ZNF808: variants seen among roughly 807,000 people sequenced by gnomAD.
ZNF808 encodes zinc finger protein 808.
In ZNF808, 5 loss-of-function variants were observed where a neutral mutation model predicts 8.7. The observed-to-expected ratio is 0.58, with a 90% CI of 0.30 to 1.21. The LOEUF is 1.21. ZNF808 is among the 50% of genes most tolerant of loss of function. ZNF808 has a pLI of 0.07. For synonymous variants in ZNF808, 380 were observed against 366.0 expected, an observed-to-expected ratio of 1.04 and a Z score of -0.44; for missense variants, 1,103 against 1,098.4, an observed-to-expected ratio of 1.00 and a Z score of -0.06.
chr19:52,560,433 CTCAGCCAAGGGA>C (rs561164914), downstream of ZNF808, among the ~76,000 whole-genome samples: 52 of 152,274 alleles, frequency 3.4e-4, no homozygotes, highest in East Asian at 8.7e-3. Context: ...TCTCTTCATA[CTCAGCCAAGGGA>C]TCCTTCTTCA....
downstream of ZNF808, among the ~76,000 whole-genome samples, chr19:52,565,088 AAAAT>A (rs913781255): frequency 1.6e-4 from 25 of 152,206 alleles, no homozygotes; most frequent in African/African-American, 5.1e-4. Flanking sequence ...TCCGTCTCAA[AAAAT>A]AAATAAATAA....
At chr19:52,545,575 C>T (rs2123143658) in intron 3 of ZNF808, among the ~76,000 whole-genome samples, 1 of 152,182 alleles carries the variant, frequency 6.6e-6, no homozygotes, top group African/African-American at 2.4e-5. Context: ...ATCAGGAGTT[C>T]AAGACCATCC....
chr19:52,555,944 T>C lies in ZNF808; in HGVS notation c.*316T>C. The C allele has an allele frequency of 4.6e-6, 3 of 654,374 alleles. 1 individual carries two copies. The Admixed American group carries it at 5.6e-5, about 12-fold the overall frequency. 40.5% of individuals were successfully genotyped at this position (654,374 alleles called of 1,614,324 possible). On this transcript the variant is annotated 3_prime_UTR_variant, in exon 5 of 5. Coordinates refer to ENST00000359798, the MANE Select transcript of ZNF808 (RefSeq NM_001039886.4). ...TCGTTGGACATCAGAGAATCCATAC[T>C]GGACAGAAATCTTGCAAATGTCATC...
intron 2 of ZNF808, among the ~76,000 whole-genome samples, 199 bp from the exon 3 acceptor site, chr19:52,543,067 G>A (rs1463700382): frequency 6.6e-6 from 1 of 152,048 alleles, no homozygotes; most frequent in Non-Finnish European, 1.5e-5. Context: ...CTCCATGAAG[G>A]GAGTGAGATC....
At chr19:52,547,833 A>G (rs1254268058) in intron 4 of ZNF808, among the ~76,000 whole-genome samples, 195 bp downstream of exon 4, 2 of 144,560 alleles carry the variant, frequency 1.4e-5, no homozygotes, top group Admixed American at 7.3e-5. Context: ...TCCGCCTTCC[A>G]GGTTCAAGTG....
intron 4 of ZNF808, among the ~76,000 whole-genome samples, chr19:52,550,667 G>A (rs2059768084): frequency 6.6e-6 from 1 of 151,966 alleles, no homozygotes; most frequent in African/African-American, 2.4e-5. Context: ...CTGGGATTAT[G>A]CCTGGCACAA....
chr19:52,554,233 A>G lies in ZNF808; in HGVS notation c.1317A>G (p.Lys439=), dbSNP rs766765041. 2 of 1,613,750 alleles carry G rather than the reference A, an allele frequency of 1.2e-6. No individual in the cohort carries two copies. Among genetic ancestry groups the G allele is most frequent in the Non-Finnish European group, 1.7e-6 (2 of 1,179,740 alleles). ...CEECDKVFSQ[K]STLERHKRIH... ...AATGTGACAAAGTTTTCAGTCAGAA[A>G]TCAACCCTTGAGAGACATAAGAGAA... Residue 439 remains lysine, a synonymous_variant, in exon 5 of 5, where the codon AAA becomes AAG. Transcript: ENST00000359798.
intron 1 of ZNF808, among the ~76,000 whole-genome samples, chr19:52,531,308 T>C (rs556225562): frequency 6.6e-6 from 1 of 151,940 alleles, no homozygotes; most frequent in Admixed American, 6.6e-5. Flanking sequence ...ACCCGGTCTC[T>C]ATAAAACTAC....
chr19:52,548,817 A>C (rs1237082798), intron 4 of ZNF808, among the ~76,000 whole-genome samples: 2 of 152,064 alleles, frequency 1.3e-5, no homozygotes, highest in Admixed American at 6.6e-5. Flanking sequence ...CATCTTTACT[A>C]TTATAAATAA....
At chr19:52,549,562 G>A (rs2059755194) in intron 4 of ZNF808, among the ~76,000 whole-genome samples, 1 of 151,966 alleles carries the variant, frequency 6.6e-6, no homozygotes, top group Non-Finnish European at 1.5e-5. Flanking sequence ...TTAACCTTGG[G>A]TCAATATTTT....
At chr19:52,552,268 C>T (rs192069302) in intron 4 of ZNF808, among the ~76,000 whole-genome samples, 7 of 151,998 alleles carry the variant, frequency 4.6e-5, no homozygotes, top group African/African-American at 1.5e-4. Context: ...CCACCCTTCT[C>T]GGCCTCCCAA....
chr19:52,541,733 A>G (rs544828152), intron 2 of ZNF808, among the ~76,000 whole-genome samples: 1 of 151,856 alleles, frequency 6.6e-6, no homozygotes, highest in Admixed American at 6.6e-5. Flanking sequence ...ATTAGACTCA[A>G]ATCACCTTGA....
At chr19:52,543,675 G>C (rs1271583139) in intron 3 of ZNF808, among the ~76,000 whole-genome samples, 1 of 152,202 alleles carries the variant, frequency 6.6e-6, no homozygotes, top group Non-Finnish European at 1.5e-5. Context: ...TTGTTCAGGG[G>C]CCACATCTGG....
chr19:52,562,688 A>G (rs913809012), intron 3 of ZNF808, among the ~76,000 whole-genome samples: 2 of 152,216 alleles, frequency 1.3e-5, no homozygotes, highest in Non-Finnish European at 1.5e-5. Context: ...ACTAAGGGCA[A>G]TGCATGTACA....
chr19:52,547,821 C>A (rs1411993683), intron 4 of ZNF808, among the ~76,000 whole-genome samples, 183 bp downstream of exon 4: 26 of 146,126 alleles, frequency 1.8e-4, no homozygotes, highest in African/African-American at 6.7e-4. Context: ...TTCACCATAA[C>A]CTCCGCCTTC....
intron 4 of ZNF808, among the ~76,000 whole-genome samples, chr19:52,551,963 A>T (rs1250287571): frequency 1.3e-5 from 2 of 152,090 alleles, no homozygotes; most frequent in Non-Finnish European, 2.9e-5. Context: ...AGATTACACC[A>T]TGACGCTCCA....
intron 4 of ZNF808, 136 bp from the exon 5 acceptor site, chr19:52,552,969 CTT>C: frequency 1.6e-6 from 2 of 1,281,216 alleles, no homozygotes; most frequent in Non-Finnish European, 2.1e-6. Flanking sequence ...GAATCTCACT[CTT>C]TTTGTGTTCC....
downstream of ZNF808, among the ~76,000 whole-genome samples, chr19:52,558,341 C>T (rs529030077): frequency 2.8e-4 from 42 of 150,794 alleles, no homozygotes; most frequent in African/African-American, 9.0e-4. Context: ...GGATTACAGG[C>T]GTGAGCCACC....
In ZNF808 at chr19:52,554,486, G is replaced by T. The variant is rs2123203067; in HGVS notation, c.1570G>T (p.Ala524Ser). Residue 524 changes from alanine (A) to serine (S), a missense_variant, in exon 5 of 5, where the codon GCA (alanine) becomes TCA (serine). Ala to Ser is a moderately conservative substitution (Grantham distance 99). Coordinates refer to ENST00000359798, the MANE Select transcript of ZNF808 (RefSeq NM_001039886.4). ...GTGTGGCAATACCTTCCGTCACCGG[G>T]CATCCCTTGTATACCATCGTAGACT... ...NQCGNTFRHR[A>S]SLVYHRRLHT... is the part of the protein sequence containing the mutation. 2.5e-6 allele frequency: 4 copies of T among 1,613,964 alleles called. No individual in the cohort carries two copies. Among genetic ancestry groups the T allele is most frequent in the Non-Finnish European group, 3.4e-6 (4 of 1,179,976 alleles).
Sources: gnomAD v4.1 joint callset for allele counts (sites outside exome capture counted in the v4.1 genomes callset) on GRCh38, gnomAD v4.1.1 for gene constraint, MANE v1.5 for transcripts, NCBI Gene and HGNC (gene_info 2026-07-23, HGNC 2026-07-21) for gene names.